MAP2K1: variants seen among roughly 807,000 people sequenced by gnomAD.
MAP2K1 encodes mitogen-activated protein kinase kinase 1, also known as dual specificity mitogen-activated protein kinase kinase 1.
A neutral mutation model predicts 46.3 loss-of-function variants in MAP2K1; 16 were observed. The observed-to-expected ratio is 0.35, with a 90% confidence interval of 0.23 to 0.52. The LOEUF (loss-of-function observed/expected upper bound fraction) is 0.52, where lower values mean the gene tolerates loss of function less well. Ranked by LOEUF, MAP2K1 falls within the 20% of genes least tolerant of loss-of-function variation. The probability of loss-of-function intolerance (pLI) is 0.94; values close to 1 mark genes in which losing one functional copy is unlikely to be tolerated. For missense variants in MAP2K1, 263 were observed against 497.1 expected (o/e 0.53, Z 4.48); for synonymous variants, 183 against 185.6 (o/e 0.99, Z 0.11).
At chr15:66,473,335 G>A (rs1466814251) in intron 5 of MAP2K1, among the ~76,000 whole-genome samples, 2 of 152,164 alleles carry the variant, frequency 1.3e-5, no homozygotes, top group Non-Finnish European at 2.9e-5. Context: ...AGCACTTTGG[G>A]AGGCTGAGGC....
intron 5 of MAP2K1, among the ~76,000 whole-genome samples, chr15:66,455,606 C>G (rs1892146432): frequency 6.6e-6 from 1 of 152,218 alleles, no homozygotes; most frequent in Non-Finnish European, 1.5e-5. Context: ...TATCTTTCTT[C>G]AGCTGGGTGA....
intron 1 of MAP2K1, among the ~76,000 whole-genome samples, chr15:66,423,427 TTG>T (rs2093448583): frequency 1.3e-5 from 2 of 148,706 alleles, no homozygotes; most frequent in Non-Finnish European, 3.0e-5. Flanking sequence ...TTCTTGATTT[TTG>T]TGTTTTTCTT....
intron 8 of MAP2K1, among the ~76,000 whole-genome samples, chr15:66,487,911 T>G (rs1893097511): frequency 6.6e-6 from 1 of 152,164 alleles, no homozygotes; most frequent in South Asian, 2.1e-4. Context: ...TGCACTGCTT[T>G]CTTCCAAATT....
chr15:66,387,233 C>G lies in MAP2K1; in HGVS notation c.-115C>G. 1 of 849,950 alleles carries G rather than the reference C, an allele frequency of 1.2e-6. No homozygotes were observed. Among genetic ancestry groups the G allele is most frequent in the East Asian group, 3.0e-5 (1 of 33,836 alleles). The allele number at this position is 849,950 out of a possible 1,614,324, so 52.7% of individuals were successfully genotyped here. A position where few individuals can be genotyped will look rare whatever the true frequency, so the allele number is the denominator to read the frequency against. On this transcript the variant is annotated 5_prime_UTR_variant, in exon 1 of 11. Transcript: ENST00000307102. The stretch of plus-strand genomic sequence containing the variant: ...CGGGGCGCACCCGCTGAAGGCAGCC[C>G]CGGGGCCCGCGGCCCGGACTTGGTC...
In MAP2K1 at chr15:66,426,606, T is replaced by G. The variant is rs189435106; in HGVS notation, c.81-8421T>G. 6.6e-5 allele frequency among the ~76,000 whole-genome samples: 10 copies of G among 152,232 alleles called. No homozygotes were observed. In the East Asian group the frequency reaches 1.7e-3, roughly 26 times the overall value. ...CATCTAAGAAGTGTGGGAAAGGACA[T>G]TGGCACTCTCAGGGCAGAGCTGGTC... On this transcript the variant is annotated intron_variant, in intron 1 of 10. Coordinates refer to ENST00000307102, the MANE Select transcript of MAP2K1 (RefSeq NM_002755.4).
chr15:66,471,318 ACT>A (rs1321459608), intron 5 of MAP2K1, among the ~76,000 whole-genome samples: 1 of 152,112 alleles, frequency 6.6e-6, no homozygotes, highest in Non-Finnish European at 1.5e-5. Flanking sequence ...GAGCCATTGA[ACT>A]CTGACTTCTG....
At chr15:66,479,660 A>C (rs1450759630) in intron 5 of MAP2K1, among the ~76,000 whole-genome samples, 1 of 152,108 alleles carries the variant, frequency 6.6e-6, no homozygotes, top group African/African-American at 2.4e-5. Context: ...TCCATGGTGC[A>C]TTTAGAACCA....
At chr15:66,452,302 A>AG (rs1555417507) in intron 5 of MAP2K1, among the ~76,000 whole-genome samples, 307 of 4,978 alleles carry the variant, frequency 0.062, 1 homozygote, top group African/African-American at 0.092. Context: ...AAAAAAAAAA[A>AG]AGAAAAAAAA....
At chr15:66,461,509 T>A (rs957376066) in intron 5 of MAP2K1, among the ~76,000 whole-genome samples, 7 of 147,132 alleles carry the variant, frequency 4.8e-5, no homozygotes, top group Admixed American at 2.0e-4. Context: ...AATAAATAAA[T>A]AAATAATAAA....
intron 7 of MAP2K1, among the ~76,000 whole-genome samples, chr15:66,486,769 T>C (rs752394285): frequency 7.2e-5 from 11 of 152,266 alleles, no homozygotes; most frequent in Non-Finnish European, 1.6e-4. Flanking sequence ...CAGAGGGGGC[T>C]AGAGGTAGCT....
At chr15:66,416,415 CTTG>C (rs1198322329) in intron 1 of MAP2K1, among the ~76,000 whole-genome samples, 4 of 151,842 alleles carry the variant, frequency 2.6e-5, no homozygotes, top group East Asian at 1.9e-4. Flanking sequence ...GGACAGGGAT[CTTG>C]TTGTCTTCAT....
rs397516794 is a variant in MAP2K1, at chr15:66,485,171, C to T, written c.875C>T (p.Thr292Ile). The T allele has an allele frequency of 5.6e-6, 9 of 1,613,666 alleles. No individual in the cohort carries two copies. Among genetic ancestry groups the T allele is most frequent in the Non-Finnish European group, 7.6e-6 (9 of 1,179,970 alleles). ...GCTGAGACCCCACCCAGGCCAAGGA[C>T]CCCCGGGAGGCCCCTTAGCTGTGAG... ...DAAETPPRPR[T>I]PGRPLSSYGM... The change falls in exon 7 of 11, where the codon ACC becomes ATC. Residue 292 changes from threonine (T) to isoleucine (I), a missense_variant. This residue lies in a region of MAP2K1 where 118 missense variants were observed against 193.0 expected (regional missense o/e 0.61). Coordinates refer to ENST00000307102, the MANE Select transcript of MAP2K1 (RefSeq NM_002755.4).
rs927205904 is a variant in MAP2K1 at position 66,482,000 on chromosome 15, G to A, written c.693+121G>A. ...GTAGGGGACAAGAAGTGAGGGAGGA[G>A]GCACAGTGCTCTGCCCTGAGGAGAT... is the stretch of plus-strand genomic sequence containing the variant. On this transcript the variant is annotated intron_variant, in intron 6 of 10. Transcript: ENST00000307102. 5.7e-6 allele frequency: 7 copies of A among 1,230,934 alleles called. No homozygotes were observed. In the African/African-American group the frequency reaches 1.1e-4, roughly 18 times the overall value. 76.3% of individuals were successfully genotyped at this position (1,230,934 alleles called of 1,614,324 possible).
At chr15:66,453,666 A>T (rs1208285602) in intron 5 of MAP2K1, 2 of 589,812 alleles carry the variant, frequency 3.4e-6, no homozygotes, top group Non-Finnish European at 6.1e-6. Flanking sequence ...TTCTTCACTG[A>T]TGAAATTTCA....
chr15:66,393,978 A>G (rs2093362236), intron 1 of MAP2K1, among the ~76,000 whole-genome samples: 1 of 152,196 alleles, frequency 6.6e-6, no homozygotes. Context: ...CTGATGTTAC[A>G]TCGTGTATAA....
chr15:66,395,812 A>G (rs141261516), intron 1 of MAP2K1, among the ~76,000 whole-genome samples: 1,960 of 152,150 alleles, frequency 0.013, 20 homozygotes, highest in Admixed American at 0.02. Flanking sequence ...CCCTGACCTC[A>G]GGTGATCCAC....
At chr15:66,463,109 C>T (rs2140636229) in intron 5 of MAP2K1, among the ~76,000 whole-genome samples, 1 of 152,316 alleles carries the variant, frequency 6.6e-6, no homozygotes, top group Middle Eastern at 3.4e-3. Context: ...AATCCACCAA[C>T]ACTTATATAG....
At chr15:66,404,137 G>A (rs760919784) in intron 1 of MAP2K1, among the ~76,000 whole-genome samples, 13 of 152,226 alleles carry the variant, frequency 8.5e-5, no homozygotes, top group Non-Finnish European at 1.3e-4. Context: ...ACTCATTTGC[G>A]TCCACTGATA....
Position 66,491,203 on chromosome 15 carries a change from TG to T in MAP2K1, c.*592del, listed in dbSNP as rs1205082681. The T allele has an allele frequency of 7.3e-5, 19 of 260,918 alleles. No homozygotes were observed. The highest frequency in any genetic ancestry group is 1.3e-4 in the Non-Finnish European group (18 of 134,252). 16.2% of individuals were successfully genotyped at this position (260,918 alleles called of 1,614,324 possible). A position where few individuals can be genotyped will look rare whatever the true frequency, so the allele number is the denominator to read the frequency against. ...CAGAGCCCTTCACTGCCATGATAGC[TG>T]GGGCTTCACCAGTCTGTCTACTGTG... On this transcript the variant is annotated 3_prime_UTR_variant, in exon 11 of 11. Transcript: ENST00000307102.
Sources: allele counts gnomAD v4.1 joint callset (sites outside exome capture counted in the v4.1 genomes callset), GRCh38; gene constraint gnomAD v4.1.1; regional missense constraint gnomAD v4.1.1; transcripts MANE v1.5; gene names NCBI Gene and HGNC (gene_info 2026-07-23, HGNC 2026-07-21).